The following ZNF536 variants were observed in gnomAD, a reference collection of about 807,000 sequenced individuals.
ZNF536 encodes zinc finger protein 536.
ZNF536 carries 13 observed loss-of-function variants against 84.5 expected under a neutral mutation model. The ratio of observed to expected loss-of-function variants is 0.15; its 90% confidence interval spans 0.10 to 0.24. The LOEUF is 0.24. ZNF536 is among the 10% of genes least tolerant of loss of function. The probability of loss-of-function intolerance (pLI) is 1.00; values close to 1 mark genes in which losing one functional copy is unlikely to be tolerated. For missense variants in ZNF536, 1,536 were observed against 1,747.5 expected, an observed-to-expected ratio of 0.88 and a Z score of 2.16; for synonymous variants, 811 against 742.5, an observed-to-expected ratio of 1.09 and a Z score of -1.50.
Position 30,548,934 on chromosome 19 carries a change from T to C in ZNF536, c.3315T>C (p.Cys1105=). 6.2e-7 allele frequency: 1 copy of C among 1,614,164 alleles called. No homozygotes were observed. Among genetic ancestry groups the C allele is most frequent in the Non-Finnish European group, 8.5e-7 (1 of 1,180,030 alleles). Residue 1105 remains cysteine, a synonymous_variant, in exon 4 of 5, where the codon TGT becomes TGC. Coordinates refer to ENST00000355537, the MANE Select transcript of ZNF536 (RefSeq NM_014717.3). The part of the protein sequence containing the change: ...AWTGHVDPAF[C]NFPSDFYKQF... ...CCGGCCACGTGGACCCTGCATTTTG[T>C]AACTTCCCATCAGACTTCTACAAGC...
chr19:30,320,282 A>G (rs2046811194), intron 2 of ZNF536, among the ~76,000 whole-genome samples: 1 of 152,240 alleles, frequency 6.6e-6, no homozygotes. Context: ...GATAAATCGT[A>G]TAGAAATGTT....
chr19:30,339,092 G>A (rs572630179), intron 2 of ZNF536, among the ~76,000 whole-genome samples: 38 of 152,266 alleles, frequency 2.5e-4, no homozygotes, highest in African/African-American at 8.9e-4. Context: ...TGGTGCTTAC[G>A]GGAGAGCTGC....
intron 2 of ZNF536, among the ~76,000 whole-genome samples, chr19:30,466,532 C>T (rs1055501672): frequency 6.6e-6 from 1 of 150,572 alleles, no homozygotes; most frequent in African/African-American, 2.5e-5. Flanking sequence ...CATTGCACTC[C>T]AGCTTTGGTG....
intron 1 of ZNF536, among the ~76,000 whole-genome samples, chr19:30,641,252 A>G (rs2049256863): frequency 1.3e-5 from 2 of 152,224 alleles, no homozygotes; most frequent in Admixed American, 6.5e-5. Flanking sequence ...TTCTTGAAAG[A>G]AAAGCAAATT....
chr19:30,545,619 G>T (rs948188658), intron 3 of ZNF536, among the ~76,000 whole-genome samples: 2 of 151,764 alleles, frequency 1.3e-5, no homozygotes, highest in Non-Finnish European at 2.9e-5. Context: ...GGATGGTCTC[G>T]ATCTCCTGAC....
chr19:30,346,793 C>T (rs1338222918), intron 2 of ZNF536, among the ~76,000 whole-genome samples: 1 of 152,188 alleles, frequency 6.6e-6, no homozygotes. Context: ...GTAAATAATG[C>T]TGCAATGAAC....
chr19:30,657,953 G>A (rs1488036724), intron 1 of ZNF536, among the ~76,000 whole-genome samples: 1 of 152,092 alleles, frequency 6.6e-6, no homozygotes, highest in Non-Finnish European at 1.5e-5. Flanking sequence ...CAGCTAGAAG[G>A]AACTTCTGGA....
At chr19:30,561,755 G>T (rs1404348953), downstream of ZNF536, among the ~76,000 whole-genome samples, 3 of 151,966 alleles carry the variant, frequency 2.0e-5, no homozygotes, top group Admixed American at 6.6e-5. Flanking sequence ...GCAGCTGAGG[G>T]TCCCTCCAGC....
intron 2 of ZNF536, among the ~76,000 whole-genome samples, chr19:30,471,326 A>C (rs1223528454): frequency 6.6e-6 from 1 of 152,234 alleles, no homozygotes; most frequent in Non-Finnish European, 1.5e-5. Context: ...TTTTAAAGAT[A>C]ATTAACAGGC....
At chr19:30,566,797 G>C (rs923678758) in intron 1 of ZNF536, among the ~76,000 whole-genome samples, 3 of 149,062 alleles carry the variant, frequency 2.0e-5, no homozygotes, top group Non-Finnish European at 4.5e-5. Context: ...TGGCCTCTCC[G>C]GACAGTGGAG....
At position 30,548,830 on chromosome 19, in the gene ZNF536, T is replaced by C. The variant is rs755890901; in HGVS notation, c.3211T>C (p.Ser1071Pro). ...KDLGLSNMIS[S>P]LDSASEKMAQ... is the part of the protein sequence containing the mutation. ...CCTGGGCCTCTCCAATATGATCAGC[T>C]CTCTAGACTCTGCTTCTGAGAAGAT... Residue 1071 changes from serine (S) to proline (P), a missense_variant, in exon 4 of 5, where the codon TCT becomes CCT. By Grantham distance (74) the Ser-to-Pro change is moderately conservative. Around this residue, in one of 8 missense-constraint regions of ZNF536, gnomAD observed 624 missense variants for 603.1 expected, o/e 1.03. Transcript: ENST00000355537. 12 of 1,613,998 alleles carry C rather than the reference T, an allele frequency of 7.4e-6. No homozygotes were observed. Among genetic ancestry groups the C allele is most frequent in the Non-Finnish European group, 1.0e-5 (12 of 1,180,004 alleles).
chr19:30,494,530 T>C (rs1489082414), intron 2 of ZNF536, among the ~76,000 whole-genome samples: 1 of 152,208 alleles, frequency 6.6e-6, no homozygotes, highest in East Asian at 1.9e-4. Context: ...ACGTGGACTT[T>C]GGGCTCAGTT....
chr19:30,635,457 G>A (rs1019258940), intron 1 of ZNF536, among the ~76,000 whole-genome samples: 3 of 152,190 alleles, frequency 2.0e-5, no homozygotes, highest in Admixed American at 2.0e-4. Context: ...TCTCCAAGAT[G>A]GCTCCCTGCC....
chr19:30,511,103 A>G (rs985823531), intron 2 of ZNF536, among the ~76,000 whole-genome samples: 30 of 152,132 alleles, frequency 2.0e-4, no homozygotes, highest in African/African-American at 7.2e-4. Flanking sequence ...CAGAGCCTGA[A>G]TGGAGGGGAG....
At chr19:30,564,538 G>A (rs1269902950) in intron 1 of ZNF536, among the ~76,000 whole-genome samples, 1 of 152,100 alleles carries the variant, frequency 6.6e-6, no homozygotes, top group Non-Finnish European at 1.5e-5. Context: ...GGTGGTCCTG[G>A]TGGTCAGGCT....
Position 30,648,828 on chromosome 19 carries a change from C to T in ZNF536, c.170-61929C>T, listed in dbSNP as rs192863655. On this transcript the variant is annotated intron_variant, in intron 1 of 1. Transcript: ENST00000592773. Reference sequence around the variant, plus strand: ...TGGGGAAAAATAAAGATCATTTAAACTGGTTCTTTTAGTTCACATGTTTTT... The same window carrying T: ...TGGGGAAAAATAAAGATCATTTAAATTGGTTCTTTTAGTTCACATGTTTTT... 2.3e-3 allele frequency among the ~76,000 whole-genome samples: 354 copies of T among 152,334 alleles called. 1 individual carries two copies. Among genetic ancestry groups the T allele is most frequent in the Non-Finnish European group, 3.8e-3 (260 of 68,026 alleles).
At chr19:30,649,109 C>A (rs562643207) in intron 1 of ZNF536, among the ~76,000 whole-genome samples, 1 of 152,288 alleles carries the variant, frequency 6.6e-6, no homozygotes, top group South Asian at 2.1e-4. Flanking sequence ...CCGACAGCTG[C>A]CCCAGACAGG....
intron 1 of ZNF536, among the ~76,000 whole-genome samples, chr19:30,583,432 C>G (rs1270421921): frequency 6.6e-6 from 1 of 152,166 alleles, no homozygotes; most frequent in African/African-American, 2.4e-5. Flanking sequence ...ATTGGCAAGC[C>G]AGGGTGACTA....
intron 2 of ZNF536, among the ~76,000 whole-genome samples, chr19:30,316,412 C>A (rs555671773): frequency 2.0e-5 from 3 of 152,182 alleles, no homozygotes; most frequent in African/African-American, 7.2e-5. Context: ...ACTCTAATGA[C>A]TTCTATAAAT....
Sources: gnomAD v4.1 joint callset for allele counts (sites outside exome capture counted in the v4.1 genomes callset) on GRCh38, gnomAD v4.1.1 for gene constraint, gnomAD v4.1.1 regional missense constraint, MANE v1.5 for transcripts, NCBI Gene and HGNC (gene_info 2026-07-23, HGNC 2026-07-21) for gene names.